Variants in BARX2 observed in about 807,000 individuals in gnomAD.
The protein encoded by BARX2 is BARX homeobox 2.
Under a neutral mutation model 25.5 loss-of-function variants are expected in BARX2, and 11 were observed. That is an observed-to-expected ratio of 0.43 (90% CI 0.27 to 0.71). BARX2 has a LOEUF of 0.71. BARX2 is among the 30% of genes least tolerant of loss of function. The pLI, the probability that BARX2 is intolerant of heterozygous loss-of-function variation, is 0.19. For synonymous variants in BARX2, 137 were observed against 149.5 expected (o/e 0.92, Z 0.61); for missense variants, 360 against 359.9 (o/e 1.00, Z 0.00).
intron 1 of BARX2, among the ~76,000 whole-genome samples, chr11:129,404,340 G>A (rs1393920729): frequency 1.3e-5 from 2 of 152,244 alleles, no homozygotes; most frequent in East Asian, 1.9e-4. Flanking sequence ...CAAAATGATG[G>A]TGGGACTCAG....
intron 1 of BARX2, among the ~76,000 whole-genome samples, chr11:129,419,326 C>T (rs1046664991): frequency 6.6e-6 from 1 of 152,112 alleles, no homozygotes; most frequent in Non-Finnish European, 1.5e-5. Flanking sequence ...ATGTTTTTGT[C>T]GCTAGAAACG....
At chr11:129,441,404 T>C (rs1480011196) in intron 2 of BARX2, among the ~76,000 whole-genome samples, 4 of 152,216 alleles carry the variant, frequency 2.6e-5, no homozygotes, top group African/African-American at 2.4e-5. Flanking sequence ...ATATGGTCTG[T>C]GACAACTACC....
Position 129,377,246 on chromosome 11 carries a change from A to G in BARX2, c.187+1024A>G, listed in dbSNP as rs186253385. ...ACTTAAAATGAAAAAATGAAGGGCC[A>G]ACAGTTTTGGAAGATATTTTTTGGA... On this transcript the variant is annotated intron_variant, in intron 1 of 3. Coordinates refer to ENST00000281437, the MANE Select transcript of BARX2 (RefSeq NM_003658.5). Among the ~76,000 whole-genome samples, 216 of 152,370 alleles carry G rather than the reference A, an allele frequency of 1.4e-3. 2 individuals are homozygous for G. Among genetic ancestry groups the G allele is most frequent in the African/African-American group, 5.0e-3 (209 of 41,594 alleles).
At chr11:129,397,677 G>T (rs946755616) in intron 1 of BARX2, among the ~76,000 whole-genome samples, 1 of 152,182 alleles carries the variant, frequency 6.6e-6, no homozygotes, top group Non-Finnish European at 1.5e-5. Flanking sequence ...CCCTGCCCTC[G>T]TTCTTGTGGG....
chr11:129,428,516 C>T (rs1473871972), intron 1 of BARX2, among the ~76,000 whole-genome samples: 2 of 152,178 alleles, frequency 1.3e-5, no homozygotes, highest in Non-Finnish European at 2.9e-5. Flanking sequence ...TGTTGGAATG[C>T]AAGCGCTTTG....
intron 1 of BARX2, among the ~76,000 whole-genome samples, chr11:129,385,774 T>G (rs1861611580): frequency 6.6e-6 from 1 of 152,240 alleles, no homozygotes; most frequent in African/African-American, 2.4e-5. Flanking sequence ...GACATTATTC[T>G]TTGTACTTTT....
At chr11:129,405,394 G>T (rs1861819514) in intron 1 of BARX2, among the ~76,000 whole-genome samples, 1 of 152,070 alleles carries the variant, frequency 6.6e-6, no homozygotes, top group Non-Finnish European at 1.5e-5. Flanking sequence ...TATTTAATGG[G>T]ATCCCCATTT....
chr11:129,434,417 TAAGTA>T (rs1862164558), intron 1 of BARX2, among the ~76,000 whole-genome samples: 1 of 35,948 alleles, frequency 2.8e-5, no homozygotes, highest in East Asian at 7.2e-4. Context: ...AAAAAAAAAG[TAAGTA>T]AAAAAAAAAA....
intron 1 of BARX2, among the ~76,000 whole-genome samples, chr11:129,432,390 C>T (rs1862139770): frequency 6.6e-6 from 1 of 152,180 alleles, no homozygotes; most frequent in South Asian, 2.1e-4. Flanking sequence ...ACTATTTCTC[C>T]ACATTAAATG....
intron 1 of BARX2, among the ~76,000 whole-genome samples, chr11:129,407,732 A>G (rs1435135740): frequency 6.6e-6 from 1 of 152,204 alleles, no homozygotes; most frequent in Non-Finnish European, 1.5e-5. Context: ...AGTTCAGTCC[A>G]GTAGGAAAGA....
chr11:129,423,313 C>T (rs1862027616), intron 1 of BARX2, among the ~76,000 whole-genome samples: 1 of 152,054 alleles, frequency 6.6e-6, no homozygotes, highest in South Asian at 2.1e-4. Flanking sequence ...GACAGGGTTT[C>T]ACCATGTTGG....
At chr11:129,423,822 G>T (rs965967964) in intron 1 of BARX2, among the ~76,000 whole-genome samples, 6 of 151,086 alleles carry the variant, frequency 4.0e-5, no homozygotes, top group Non-Finnish European at 5.9e-5. Context: ...GTACTCCAAG[G>T]TCCAGTCCTT....
At chr11:129,419,206 GTAAA>G (rs547085096) in intron 1 of BARX2, among the ~76,000 whole-genome samples, 171 of 152,312 alleles carry the variant, frequency 1.1e-3, no homozygotes, top group African/African-American at 4.0e-3. Context: ...GAAAAACTGG[GTAAA>G]TACTTACCCT....
At chr11:129,440,001 T>G (rs1862238092) in intron 2 of BARX2, among the ~76,000 whole-genome samples, 1 of 152,104 alleles carries the variant, frequency 6.6e-6, no homozygotes, top group Admixed American at 6.5e-5. Flanking sequence ...CTACACAGGA[T>G]TGATTCACTT....
rs1009717080 is a variant in BARX2 at position 129,383,229 on chromosome 11, A to G, written c.187+7007A>G. 2.6e-5 allele frequency among the ~76,000 whole-genome samples: 4 copies of G among 152,320 alleles called. No homozygotes were observed. The East Asian group carries it at 5.8e-4, about 22-fold the overall frequency. On this transcript the variant is annotated intron_variant, in intron 1 of 3. Coordinates refer to ENST00000281437, the MANE Select transcript of BARX2 (RefSeq NM_003658.5). Reference sequence around the variant, plus strand: ...TTAGAAGAAGGAAAGTCTTGTTAAAATAAATGCTCTAAATAAAAACACAGT... The same window carrying G: ...TTAGAAGAAGGAAAGTCTTGTTAAAGTAAATGCTCTAAATAAAAACACAGT...
intron 2 of BARX2, chr11:129,437,463 A>T: frequency 1.0e-6 from 1 of 993,146 alleles, no homozygotes; most frequent in Non-Finnish European, 1.2e-6. Flanking sequence ...CACAGCCTCC[A>T]GCTGATTCCC....
At chr11:129,447,876 G>A (rs1307997333) in intron 3 of BARX2, among the ~76,000 whole-genome samples, 1 of 152,140 alleles carries the variant, frequency 6.6e-6, no homozygotes, top group Non-Finnish European at 1.5e-5. Flanking sequence ...CTTTCAACAT[G>A]TAAATTCCAT....
chr11:129,423,124 T>TTC (rs1435459261), intron 1 of BARX2, among the ~76,000 whole-genome samples: 3 of 151,154 alleles, frequency 2.0e-5, no homozygotes, highest in Admixed American at 6.6e-5. Flanking sequence ...TGGATTTTTT[T>TTC]TTTTTTTCCC....
At chr11:129,433,365 C>G (rs1862150127) in intron 1 of BARX2, among the ~76,000 whole-genome samples, 1 of 152,222 alleles carries the variant, frequency 6.6e-6, no homozygotes, top group Non-Finnish European at 1.5e-5. Flanking sequence ...CTGCTCCCAC[C>G]CTGGCCCCTG....
Sources: gnomAD v4.1 joint callset for allele counts (sites outside exome capture counted in the v4.1 genomes callset) on GRCh38, gnomAD v4.1.1 for gene constraint, MANE v1.5 for transcripts, NCBI Gene and HGNC (gene_info 2026-07-23, HGNC 2026-07-21) for gene names.